Variants in TXNRD3 observed in about 807,000 individuals in gnomAD.
TXNRD3 encodes the protein TXNRD3 neighbor gene protein.
Under a neutral mutation model 78.2 loss-of-function variants are expected in TXNRD3, and 68 were observed. The ratio of observed to expected loss-of-function variants is 0.87; its 90% confidence interval spans 0.72 to 1.06. TXNRD3 has a LOEUF of 1.06. TXNRD3 is among the 50% of genes least tolerant of loss of function. TXNRD3 has a pLI of 0.00. For missense variants in TXNRD3, 751 were observed against 809.5 expected (o/e 0.93, Z 0.88); for synonymous variants, 296 against 300.1 (o/e 0.99, Z 0.14).
intron 15 of TXNRD3, among the ~76,000 whole-genome samples, 192 bp downstream of exon 15, chr3:126,608,307 G>C (rs777520693): frequency 6.6e-6 from 1 of 152,212 alleles, no homozygotes; most frequent in African/African-American, 2.4e-5. Flanking sequence ...GTTGCAGTGA[G>C]TCAAGATCAT....
chr3:126,615,550 T>C (rs1005347545), intron 12 of TXNRD3, 88 bp from the exon 13 acceptor site: 1 of 581,060 alleles, frequency 1.7e-6, no homozygotes, highest in African/African-American at 1.9e-5. Context: ...AGAAAATAAA[T>C]CAGTCCAGTT....
intron 14 of TXNRD3, chr3:126,609,222 A>G (rs1233439010): frequency 2.5e-6 from 1 of 405,460 alleles, no homozygotes; most frequent in Admixed American, 2.5e-5. Flanking sequence ...TTCCTTCATC[A>G]GATTATCCTT....
At chr3:126,618,868 A>AG (rs1235178269) in intron 12 of TXNRD3, among the ~76,000 whole-genome samples, 3 of 150,416 alleles carry the variant, frequency 2.0e-5, no homozygotes, top group Admixed American at 2.0e-4. Flanking sequence ...AGAGCCAAAA[A>AG]AAAAAAAAAA....
chr3:126,640,430 T>A (rs1001380246), intron 6 of TXNRD3, among the ~76,000 whole-genome samples: 1 of 151,976 alleles, frequency 6.6e-6, no homozygotes, highest in Non-Finnish European at 1.5e-5. Context: ...TCTATCTCAG[T>A]GAACAGTATT....
At chr3:126,647,416 C>T (rs1010197492) in intron 1 of TXNRD3, 120 bp from the exon 2 acceptor site, 12 of 719,228 alleles carry the variant, frequency 1.7e-5, no homozygotes, top group South Asian at 1.4e-4. Context: ...TTCTAGCCAA[C>T]GTGTGGTTTT....
intron 1 of TXNRD3, among the ~76,000 whole-genome samples, chr3:126,653,357 T>G (rs574602876): frequency 6.6e-6 from 1 of 152,088 alleles, no homozygotes; most frequent in Admixed American, 6.5e-5. Context: ...AATAAGTCAG[T>G]ACAAACAACT....
At chr3:126,640,084 C>CTTG (rs1330622015) in intron 6 of TXNRD3, among the ~76,000 whole-genome samples, 1 of 111,824 alleles carries the variant, frequency 8.9e-6, no homozygotes, top group African/African-American at 3.3e-5. Context: ...ACCAAAGCTG[C>CTTG]TTGTGTTTTC....
chr3:126,654,485 C>G (rs976580401), intron 1 of TXNRD3, among the ~76,000 whole-genome samples: 3 of 152,238 alleles, frequency 2.0e-5, no homozygotes, highest in Non-Finnish European at 4.4e-5. Context: ...CTTCCCGTAC[C>G]TTCGTTTCAC....
rs114444531 is a variant in TXNRD3 at position 126,644,356 on chromosome 3, C to T, written c.460G>A (p.Ala154Thr). 747 of 1,536,304 alleles carry T rather than the reference C, an allele frequency of 4.9e-4. 2 individuals are homozygous for T. The highest frequency in any genetic ancestry group is 1.6e-3 in the South Asian group (137 of 84,056). ...ATGATGATGAGATCATAATCATATG[C>T]CAAATCTTCCTGAAGGAGCTTCTGT... The change falls in exon 4 of 16, where the codon GCA (alanine) becomes ACA (threonine). Residue 154 changes from alanine to threonine, a missense_variant. Transcript: ENST00000524230.
At chr3:126,646,019 G>T in intron 3 of TXNRD3, 92 bp downstream of exon 3, 1 of 879,022 alleles carries the variant, frequency 1.1e-6, no homozygotes, top group Non-Finnish European at 1.7e-6. Flanking sequence ...TCCAAAAGAT[G>T]AGTGGACTCC....
At chr3:126,651,476 T>C (rs577708227) in intron 1 of TXNRD3, among the ~76,000 whole-genome samples, 2 of 152,352 alleles carry the variant, frequency 1.3e-5, no homozygotes, top group African/African-American at 4.8e-5. Context: ...AGAGGATCAT[T>C]TGTCCTAAGA....
At position 126,611,042 on chromosome 3, in the gene TXNRD3, C is replaced by A. The variant is rs192442190; in HGVS notation, c.1723G>T (p.Asp575Tyr). 279 of 1,504,740 alleles carry A rather than the reference C, an allele frequency of 1.9e-4. 3 individuals are homozygous for A. Among genetic ancestry groups the A allele is most frequent in the Middle Eastern group, 8.5e-4 (5 of 5,868 alleles). 93.2% of individuals were successfully genotyped at this position (1,504,740 alleles called of 1,614,324 possible). ...CTTCTAGTGGTATTACATACATGGT[C>A]GAATTTATTGCAGATTATCTTTGCA... is the stretch of plus-strand genomic sequence containing the variant. Residue 575 changes from aspartate (D) to tyrosine (Y), a missense_variant, in exon 14 of 16, where the codon GAC becomes TAC. By Grantham distance (160) the Asp-to-Tyr change is radical. Coordinates refer to ENST00000524230, the MANE Select transcript of TXNRD3 (RefSeq NM_052883.3).
chr3:126,610,946 T>C, intron 14 of TXNRD3, 91 bp downstream of exon 14: 1 of 801,002 alleles, frequency 1.2e-6, no homozygotes, highest in Non-Finnish European at 1.8e-6. Flanking sequence ...AGATCCCGTC[T>C]CTAAAAAAAA....
rs148120278 is a variant in TXNRD3, at chr3:126,608,766, G to A, written c.1729-133C>T. On this transcript the variant is annotated intron_variant, in intron 14 of 15. Coordinates refer to ENST00000524230, the MANE Select transcript of TXNRD3 (RefSeq NM_052883.3). The stretch of plus-strand genomic sequence containing the variant: ...AAGAACTTCAATGTCAAAGTGAGCA[G>A]AGAACATTACCATGAAACTAAGCCA... 2.3e-4 allele frequency: 239 copies of A among 1,037,366 alleles called. 1 individual carries two copies. In the African/African-American group the frequency reaches 3.1e-3, roughly 14 times the overall value. The allele number at this position is 1,037,366 out of a possible 1,614,324, so 64.3% of individuals were successfully genotyped here. A position where few individuals can be genotyped will look rare whatever the true frequency, so the allele number is the denominator to read the frequency against.
chr3:126,647,405 G>A (rs1489655131), intron 1 of TXNRD3, 109 bp from the exon 2 acceptor site: 1 of 782,474 alleles, frequency 1.3e-6, no homozygotes, highest in Non-Finnish European at 2.0e-6. Context: ...AGGAACAGGA[G>A]TTCTAGCCAA....
intron 12 of TXNRD3, among the ~76,000 whole-genome samples, chr3:126,617,021 A>T (rs1381839807): frequency 6.6e-6 from 1 of 152,166 alleles, no homozygotes; most frequent in East Asian, 1.9e-4. Context: ...ATTGACTGGC[A>T]GCTGACCCTA....
chr3:126,622,408 T>A, intron 11 of TXNRD3, 56 bp downstream of exon 11: 1 of 1,240,878 alleles, frequency 8.1e-7, no homozygotes, highest in South Asian at 1.5e-5. Flanking sequence ...TTAGAGGTGA[T>A]CTGCAGAAAC....
chr3:126,630,583 G>A, intron 9 of TXNRD3, 129 bp downstream of exon 9: 1 of 1,016,616 alleles, frequency 9.8e-7, no homozygotes, highest in Non-Finnish European at 1.4e-6. Flanking sequence ...GGTTGGCTCT[G>A]TAGACTTGGG....
chr3:126,611,263 C>A (rs1181240930), intron 13 of TXNRD3, 131 bp from the exon 14 acceptor site: 2 of 490,136 alleles, frequency 4.1e-6, no homozygotes, highest in Non-Finnish European at 6.8e-6. Context: ...GTGACCCCAA[C>A]TTTATGTATC....
Sources: allele counts gnomAD v4.1 joint callset (sites outside exome capture counted in the v4.1 genomes callset), GRCh38; gene constraint gnomAD v4.1.1; transcripts MANE v1.5; gene names NCBI Gene and HGNC (gene_info 2026-07-23, HGNC 2026-07-21).